FAM184A: variants seen among roughly 807,000 people sequenced by gnomAD.
FAM184A encodes family with sequence similarity 184 member A.
FAM184A carries 99 observed loss-of-function variants against 143.8 expected under a neutral mutation model. The ratio of observed to expected loss-of-function variants is 0.69; its 90% CI spans 0.58 to 0.81. The LOEUF is 0.81. Among genes scored for constraint, FAM184A ranks in the 40% least tolerant of loss-of-function variants. The pLI is 0.00. For synonymous variants in FAM184A, 427 were observed against 446.4 expected, an observed-to-expected ratio of 0.96 and a Z score of 0.55; for missense variants, 1,217 against 1,310.5, an observed-to-expected ratio of 0.93 and a Z score of 1.10.
chr6:119,061,591 T>C (rs1787251671), intron 1 of FAM184A, among the ~76,000 whole-genome samples: 1 of 133,634 alleles, frequency 7.5e-6, no homozygotes, highest in Non-Finnish European at 1.6e-5. Context: ...TTGCCCAGAC[T>C]GGTGTTGAAC....
At chr6:119,102,487 G>T (rs1232899518) in intron 1 of FAM184A, among the ~76,000 whole-genome samples, 4 of 152,042 alleles carry the variant, frequency 2.6e-5, no homozygotes, top group Non-Finnish European at 4.4e-5. Flanking sequence ...AAAATCTTGA[G>T]TTTGAAAATA....
intron 7 of FAM184A, among the ~76,000 whole-genome samples, chr6:119,003,957 G>A (rs1357934203): frequency 6.6e-6 from 1 of 152,070 alleles, no homozygotes; most frequent in Admixed American, 6.5e-5. Flanking sequence ...ACCTTTACCT[G>A]TACACCCATT....
At chr6:119,111,579 ACCCGG>A (rs1398009174) in intron 1 of FAM184A, among the ~76,000 whole-genome samples, 1 of 152,152 alleles carries the variant, frequency 6.6e-6, no homozygotes, top group Non-Finnish European at 1.5e-5. Flanking sequence ...GACCACAGAA[ACCCGG>A]CGTATTCCAG....
chr6:119,078,099 C>T lies in FAM184A; in HGVS notation c.159+42G>A. ...GGGGAGACAGGTGAGTCCGGCGCGGCCCGCACGGGGTCGCCACCTGCCCCG... is the reference window on the plus strand; with the variant it reads ...GGGGAGACAGGTGAGTCCGGCGCGGTCCGCACGGGGTCGCCACCTGCCCCG... On this transcript the variant is annotated intron_variant, in intron 1 of 17. Transcript: ENST00000338891. This position sits in a 1 kb window ranked among gnomAD's most constrained non-coding sequence, Gnocchi z 5.5. The T allele has an allele frequency of 6.5e-7, 1 of 1,546,884 alleles. No individual in the cohort carries two copies. The highest frequency in any genetic ancestry group is 8.7e-7 in the Non-Finnish European group (1 of 1,150,954).
At chr6:119,017,659 C>T (rs1785307366) in intron 4 of FAM184A, among the ~76,000 whole-genome samples, 1 of 152,120 alleles carries the variant, frequency 6.6e-6, no homozygotes, top group African/African-American at 2.4e-5. Flanking sequence ...AATACAAAGA[C>T]TATGGCAATA....
upstream of FAM184A, among the ~76,000 whole-genome samples, chr6:119,081,430 C>T (rs1562142678): frequency 6.6e-6 from 1 of 152,124 alleles, no homozygotes; most frequent in Non-Finnish European, 1.5e-5. Context: ...AGGCTCAGAC[C>T]CCAAAGCAGT....
At chr6:119,004,966 T>C (rs1251842607) in intron 7 of FAM184A, among the ~76,000 whole-genome samples, 4 of 152,306 alleles carry the variant, frequency 2.6e-5, no homozygotes, top group East Asian at 3.9e-4. Flanking sequence ...CATGATACCA[T>C]ATAAACACAA....
chr6:118,975,329 A>C, intron 12 of FAM184A, 121 bp from the exon 13 acceptor site: 1 of 706,734 alleles, frequency 1.4e-6, no homozygotes, highest in Admixed American at 3.1e-5. Flanking sequence ...TTGCTTCTTC[A>C]AAAGCAAACT....
chr6:119,099,585 A>G (rs1788590798), intron 1 of FAM184A, among the ~76,000 whole-genome samples: 1 of 152,194 alleles, frequency 6.6e-6, no homozygotes, highest in Non-Finnish European at 1.5e-5. Flanking sequence ...CTGGACAGAC[A>G]GGCCTTGCTG....
chr6:119,087,369 TAAAG>T (rs987138797), intron 1 of FAM184A, among the ~76,000 whole-genome samples: 1 of 152,174 alleles, frequency 6.6e-6, no homozygotes, highest in African/African-American at 2.4e-5. Context: ...CCAGAGCATA[TAAAG>T]AATTTCTAAA....
intron 1 of FAM184A, among the ~76,000 whole-genome samples, chr6:119,061,741 A>G (rs1315549557): frequency 6.6e-6 from 1 of 151,790 alleles, no homozygotes. Context: ...GAGCTCTACA[A>G]AGGACTTATA....
At chr6:119,022,120 G>A (rs997853071) in intron 3 of FAM184A, among the ~76,000 whole-genome samples, 5 of 131,800 alleles carry the variant, frequency 3.8e-5, no homozygotes, top group South Asian at 2.5e-4. Flanking sequence ...GTGCACTGGC[G>A]CAATCTCGGC....
At chr6:119,140,604 C>T (rs1337106901) in intron 1 of FAM184A, among the ~76,000 whole-genome samples, 2 of 152,250 alleles carry the variant, frequency 1.3e-5, no homozygotes, top group Admixed American at 1.3e-4. Flanking sequence ...CTTTCAACCA[C>T]TGGCAACACA....
At chr6:118,994,481 T>C (rs892042859) in intron 9 of FAM184A, among the ~76,000 whole-genome samples, 2 of 151,662 alleles carry the variant, frequency 1.3e-5, no homozygotes, top group Admixed American at 6.6e-5. Context: ...GGTCAAGAGA[T>C]TGAGACCACC....
chr6:119,066,176 T>C (rs1428865347), intron 1 of FAM184A, among the ~76,000 whole-genome samples: 1 of 152,190 alleles, frequency 6.6e-6, no homozygotes, highest in Non-Finnish European at 1.5e-5. Context: ...CATGTTGTGG[T>C]AACAATTTAA....
intron 1 of FAM184A, among the ~76,000 whole-genome samples, chr6:119,118,038 G>GCAGAAA (rs746179317): frequency 1.2e-4 from 19 of 152,176 alleles, no homozygotes; most frequent in Middle Eastern, 3.2e-3. Flanking sequence ...AGATTTTAAG[G>GCAGAAA]CAGAAACTTT....
Position 119,045,291 on chromosome 6 carries a change from AT to A in FAM184A, c.160-20479del, listed in dbSNP as rs3058653. Reference sequence around the variant, plus strand: ...AAACAGTATAACTATCAGTTTCTCAATTTTTTTTTTTTTTTTGCCATTCTAT... The same window carrying A: ...AAACAGTATAACTATCAGTTTCTCAATTTTTTTTTTTTTTTGCCATTCTAT... On this transcript the variant is annotated intron_variant, in intron 1 of 17. Transcript: ENST00000338891. Among the ~76,000 whole-genome samples the A allele has an allele frequency of 5.4e-3, 771 of 143,242 alleles. 8 individuals carry two copies. Among genetic ancestry groups the A allele is most frequent in the African/African-American group, 0.017 (649 of 38,886 alleles). 94.0% of individuals were successfully genotyped at this position (143,242 alleles called of 152,430 possible).
intron 7 of FAM184A, among the ~76,000 whole-genome samples, chr6:119,004,363 G>A (rs1784859549): frequency 1.3e-5 from 2 of 152,194 alleles, no homozygotes; most frequent in Admixed American, 6.5e-5. Context: ...GACATGTGGT[G>A]TGGCAGTTTT....
At chr6:119,072,442 AT>A (rs1787721177) in intron 1 of FAM184A, among the ~76,000 whole-genome samples, 1 of 152,230 alleles carries the variant, frequency 6.6e-6, no homozygotes, top group Admixed American at 6.5e-5. Flanking sequence ...GCCACTTACC[AT>A]TCTTGTTCAA....
Sources: gnomAD v4.1 joint callset for allele counts (sites outside exome capture counted in the v4.1 genomes callset) on GRCh38, gnomAD v4.1.1 for gene constraint, Gnocchi (gnomAD v3.1) non-coding constraint, MANE v1.5 for transcripts, NCBI Gene and HGNC (gene_info 2026-07-23, HGNC 2026-07-21) for gene names.